PTPRZ1: variants seen among roughly 807,000 people sequenced by gnomAD.
PTPRZ1 encodes the protein receptor-type tyrosine-protein phosphatase zeta.
Under a neutral mutation model 214.1 loss-of-function variants are expected in PTPRZ1, and 82 were observed. That is an observed-to-expected ratio of 0.38 (90% CI 0.32 to 0.46). The LOEUF is 0.46. PTPRZ1 is among the 20% of genes least tolerant of loss of function. PTPRZ1 has a pLI of 1.00. For missense variants in PTPRZ1, 2,603 were observed against 2,748.7 expected (o/e 0.95, Z 1.19); for synonymous variants, 945 against 987.9 (o/e 0.96, Z 0.81).
intron 28 of PTPRZ1, 35 bp downstream of exon 28, chr7:122,058,977 A>G: frequency 6.6e-7 from 1 of 1,521,766 alleles, no homozygotes; most frequent in Non-Finnish European, 9.0e-7. Context: ...TCACACCTGC[A>G]CATTTTCTGG....
intron 17 of PTPRZ1, 50 bp downstream of exon 17, chr7:122,034,428 G>A (rs768122281): frequency 6.4e-7 from 1 of 1,564,754 alleles, no homozygotes; most frequent in Non-Finnish European, 8.8e-7. Context: ...TGCCATTTTG[G>A]TGCCTTTTAA....
intron 25 of PTPRZ1, 31 bp from the exon 26 acceptor site, chr7:122,053,879 T>G (rs1220542510): frequency 1.2e-6 from 2 of 1,610,016 alleles, no homozygotes; most frequent in East Asian, 2.2e-5. Context: ...CATACGCCAG[T>G]GCTGTTTTTG....
chr7:122,017,915 T>G (rs1161795092), intron 12 of PTPRZ1, among the ~76,000 whole-genome samples: 1 of 152,112 alleles, frequency 6.6e-6, no homozygotes, highest in African/African-American at 2.4e-5. Flanking sequence ...TGTCCCTTTC[T>G]GCTATCACCC....
At chr7:121,991,181 T>C (rs1306737056) in intron 8 of PTPRZ1, among the ~76,000 whole-genome samples, 2 of 152,210 alleles carry the variant, frequency 1.3e-5, no homozygotes, top group South Asian at 4.1e-4. Context: ...TGTGGTGAGG[T>C]TTAAATGACC....
Position 122,036,673 on chromosome 7 carries a change from T to A in PTPRZ1, c.5358T>A (p.Asn1786Lys). ...AACTGACTGATTATATCAATGCCAA[T>A]TATGTTGATGTAAGCATGTTTTAAT... The part of the protein sequence containing the change: ...DGKLTDYINA[N>K]YVDGYNRPKA... Residue 1786 changes from asparagine to lysine, a missense_variant, in exon 18 of 30, where the codon AAT (asparagine) becomes AAA (lysine). Asn to Lys is a moderately conservative substitution (Grantham distance 94, BLOSUM62 0). Coordinates refer to ENST00000393386, the MANE Select transcript of PTPRZ1 (RefSeq NM_002851.3). 6.3e-7 allele frequency: 1 copy of A among 1,599,398 alleles called. No homozygotes were observed. Among genetic ancestry groups the A allele is most frequent in the Non-Finnish European group, 8.6e-7 (1 of 1,166,862 alleles).
At chr7:121,994,124 A>T (rs759560272) in intron 8 of PTPRZ1, among the ~76,000 whole-genome samples, 3 of 152,160 alleles carry the variant, frequency 2.0e-5, no homozygotes, top group Non-Finnish European at 4.4e-5. Flanking sequence ...ATAAATTTTG[A>T]CACGTCTACT....
At chr7:121,899,025 T>C (rs1457409385) in intron 1 of PTPRZ1, among the ~76,000 whole-genome samples, 1 of 152,184 alleles carries the variant, frequency 6.6e-6, no homozygotes, top group African/African-American at 2.4e-5. Context: ...TAAAGTATAT[T>C]GCTATAATTT....
At chr7:122,002,218 A>G (rs1470423149) in intron 10 of PTPRZ1, among the ~76,000 whole-genome samples, 2 of 152,226 alleles carry the variant, frequency 1.3e-5, no homozygotes, top group Non-Finnish European at 2.9e-5. Flanking sequence ...AAATAGAGGT[A>G]TTGAAGTATT....
chr7:122,050,670 G>A (rs971853406), intron 23 of PTPRZ1, among the ~76,000 whole-genome samples: 4 of 151,970 alleles, frequency 2.6e-5, no homozygotes, highest in African/African-American at 7.3e-5. Flanking sequence ...ATTCAAGACA[G>A]CAAGAACCCC....
chr7:122,025,210 A>G (rs539274003), intron 13 of PTPRZ1, among the ~76,000 whole-genome samples: 2 of 152,332 alleles, frequency 1.3e-5, no homozygotes, highest in East Asian at 3.9e-4. Context: ...CAAAACAATT[A>G]CACTAACCAC....
intron 9 of PTPRZ1, among the ~76,000 whole-genome samples, chr7:121,997,291 T>C (rs1798172203): frequency 6.6e-6 from 1 of 152,188 alleles, no homozygotes; most frequent in African/African-American, 2.4e-5. Flanking sequence ...CCTGGGAACC[T>C]GCATTTAAAT....
At chr7:121,897,063 A>T (rs1358372753) in intron 1 of PTPRZ1, among the ~76,000 whole-genome samples, 4 of 152,212 alleles carry the variant, frequency 2.6e-5, no homozygotes, top group Non-Finnish European at 5.9e-5. Flanking sequence ...CTTATTAATA[A>T]TAACCATTTC....
chr7:122,060,412 T>C (rs1407712688), intron 29 of PTPRZ1, among the ~76,000 whole-genome samples: 5 of 152,216 alleles, frequency 3.3e-5, no homozygotes, highest in African/African-American at 1.2e-4. Flanking sequence ...CCTCATGGTT[T>C]TCGGCTATGA....
intron 10 of PTPRZ1, among the ~76,000 whole-genome samples, chr7:122,003,368 A>C (rs1165681967): frequency 1.3e-5 from 2 of 152,208 alleles, no homozygotes; most frequent in East Asian, 3.8e-4. Context: ...TAAGTTGTCA[A>C]GAGTATGAAC....
chr7:121,944,861 TCTCA>T (rs1037882842), intron 2 of PTPRZ1, among the ~76,000 whole-genome samples: 1 of 152,136 alleles, frequency 6.6e-6, no homozygotes, highest in Admixed American at 6.5e-5. Flanking sequence ...CAGGCTGGTT[TCTCA>T]CTCCTGACCT....
rs1445868291 is a variant in PTPRZ1, at chr7:122,019,043, G to A, written c.4844-81G>A. ...TTTAAAGGTAAGTAACAGCAATGAAGGTTGCAATTAATCAGTTGAAAAATG... is the reference window on the plus strand; with the variant it reads ...TTTAAAGGTAAGTAACAGCAATGAAAGTTGCAATTAATCAGTTGAAAAATG... On this transcript the variant is annotated intron_variant, in intron 12 of 29. Transcript: ENST00000393386. The A allele has an allele frequency of 2.3e-6, 3 of 1,329,190 alleles. No homozygotes were observed. In the East Asian group the frequency reaches 7.4e-5, roughly 33 times the overall value. 82.3% of individuals were successfully genotyped at this position (1,329,190 alleles called of 1,614,324 possible).
chr7:121,888,335 G>GA (rs1563002027), intron 1 of PTPRZ1, among the ~76,000 whole-genome samples: 3 of 151,734 alleles, frequency 2.0e-5, no homozygotes, highest in African/African-American at 2.4e-5. Context: ...AAGGGACTGT[G>GA]AAAAAAATAG....
At chr7:121,995,841 ACTGAATATATTTT>A (rs570328160) in intron 8 of PTPRZ1, among the ~76,000 whole-genome samples, 9 of 152,268 alleles carry the variant, frequency 5.9e-5, no homozygotes, top group African/African-American at 1.4e-4. Flanking sequence ...CTCATCCTGA[ACTGAATATATTTT>A]CAGGTACCAA....
chr7:121,997,424 A>G (rs962733636), intron 9 of PTPRZ1, among the ~76,000 whole-genome samples: 1 of 152,220 alleles, frequency 6.6e-6, no homozygotes, highest in Non-Finnish European at 1.5e-5. Context: ...TGAAATAAAT[A>G]GTAATAAAAA....
Sources: allele counts gnomAD v4.1 joint callset (sites outside exome capture counted in the v4.1 genomes callset), GRCh38; gene constraint gnomAD v4.1.1; transcripts MANE v1.5; gene names NCBI Gene and HGNC (gene_info 2026-07-23, HGNC 2026-07-21).